Variants in TRIM38 observed in about 807,000 individuals in gnomAD.
The protein encoded by TRIM38 is tripartite motif containing 38, also known as E3 ubiquitin-protein ligase TRIM38.
TRIM38 carries 35 observed loss-of-function variants against 35.8 expected under a neutral mutation model. That is an observed-to-expected ratio of 0.98 (90% CI 0.75 to 1.30). The LOEUF (loss-of-function observed/expected upper bound fraction) is 1.30, where lower values mean the gene tolerates loss of function less well. Among genes scored for constraint, TRIM38 ranks in the 50% most tolerant of loss-of-function variants. The probability of loss-of-function intolerance (pLI) is 0.00; values close to 1 mark genes in which losing one functional copy is unlikely to be tolerated. For synonymous variants in TRIM38, 198 were observed against 204.7 expected, an observed-to-expected ratio of 0.97 and a Z score of 0.28; for missense variants, 545 against 556.9, an observed-to-expected ratio of 0.98 and a Z score of 0.21.
intron 2 of TRIM38, among the ~76,000 whole-genome samples, chr6:25,964,817 T>TA (rs1759967690): frequency 6.7e-6 from 1 of 149,322 alleles, no homozygotes; most frequent in East Asian, 1.9e-4. Context: ...CAATTATTCT[T>TA]TTTTTTTTTT....
intron 5 of TRIM38, among the ~76,000 whole-genome samples, chr6:25,972,452 T>C (rs967107953): frequency 1.3e-5 from 2 of 152,224 alleles, no homozygotes; most frequent in African/African-American, 4.8e-5. Context: ...CCTGATTTGC[T>C]TGTAGAACCC....
intron 7 of TRIM38, among the ~76,000 whole-genome samples, chr6:25,977,104 T>A (rs1270272550): frequency 2.6e-5 from 4 of 152,224 alleles, no homozygotes; most frequent in African/African-American, 9.6e-5. Context: ...CATTTTGCAT[T>A]TTCATCCTGT....
At chr6:25,968,541 T>C (rs1480767984) in intron 3 of TRIM38, among the ~76,000 whole-genome samples, 1 of 152,242 alleles carries the variant, frequency 6.6e-6, no homozygotes, top group Non-Finnish European at 1.5e-5. Flanking sequence ...AAGGACAATG[T>C]CATCTTTTGC....
At chr6:25,970,626 C>T (rs189686884) in intron 4 of TRIM38, among the ~76,000 whole-genome samples, 2 of 152,220 alleles carry the variant, frequency 1.3e-5, no homozygotes, top group Admixed American at 1.3e-4. Context: ...ATATGAAAAC[C>T]CGTCTATACA....
chr6:25,973,684 A>G (rs549894979), intron 7 of TRIM38: 2 of 985,474 alleles, frequency 2.0e-6, no homozygotes, highest in East Asian at 2.3e-4. Context: ...AGATCTGATC[A>G]TAGTGTTTAT....
At chr6:25,963,356 G>A (rs994417492) in intron 2 of TRIM38, 74 bp downstream of exon 2, 1 of 146,262 alleles carries the variant, frequency 6.8e-6, no homozygotes, top group Non-Finnish European at 1.5e-5. Context: ...CCCTGTCCTA[G>A]AGGAGCTCCC....
intron 3 of TRIM38, among the ~76,000 whole-genome samples, chr6:25,967,730 T>C (rs901776822): frequency 6.6e-6 from 1 of 151,758 alleles, no homozygotes; most frequent in African/African-American, 2.4e-5. Context: ...AGAGACATGG[T>C]CTGCCTTTCT....
chr6:25,972,939 A>G (rs1760282656), intron 5 of TRIM38, 115 bp from the exon 6 acceptor site: 4 of 1,347,966 alleles, frequency 3.0e-6, no homozygotes, highest in African/African-American at 1.5e-5. Flanking sequence ...TAAGACTAAG[A>G]CTAGGGTAAC....
intron 7 of TRIM38, among the ~76,000 whole-genome samples, chr6:25,974,119 C>G (rs896782345): frequency 1.2e-4 from 18 of 152,276 alleles, no homozygotes; most frequent in African/African-American, 3.6e-4. Flanking sequence ...CTTAGTTGGG[C>G]CTGCTGCTTA....
At position 25,984,903 on chromosome 6, in the gene TRIM38, T is replaced by C. The variant is rs750854422; in HGVS notation, c.*1216T>C. 2.0e-5 allele frequency: 3 copies of C among 152,280 alleles called. No homozygotes were observed. Among genetic ancestry groups the C allele is most frequent in the Non-Finnish European group, 4.4e-5 (3 of 68,042 alleles). 9.4% of individuals were successfully genotyped at this position (152,280 alleles called of 1,614,324 possible). ...AGTCCTACAACATCACCTCTGAGAA[T>C]AGGAGAAATGAAGCAACAGTTGTGT... On this transcript the variant is annotated 3_prime_UTR_variant, in exon 8 of 8. Coordinates refer to ENST00000357085, the MANE Select transcript of TRIM38 (RefSeq NM_006355.5).
chr6:25,977,524 G>A (rs1032873305), intron 7 of TRIM38, among the ~76,000 whole-genome samples: 1 of 152,160 alleles, frequency 6.6e-6, no homozygotes, highest in Non-Finnish European at 1.5e-5. Context: ...ACAAAAATTA[G>A]CCAGGTGTGG....
rs945189160 is a variant in TRIM38 at position 25,990,985 on chromosome 6, G to T, written c.*7298G>T. 30 of 152,028 alleles carry T rather than the reference G, an allele frequency of 2.0e-4. No homozygotes were observed. The highest frequency in any genetic ancestry group is 2.0e-3 in the Admixed American group (30 of 15,270). 9.4% of individuals were successfully genotyped at this position (152,028 alleles called of 1,614,324 possible). A position where few individuals can be genotyped will look rare whatever the true frequency, so the allele number is the denominator to read the frequency against. On this transcript the variant is annotated 3_prime_UTR_variant, in exon 8 of 8. Transcript: ENST00000357085. ...GATAGAGAATAGAAGAGTCCTTCAG[G>T]CCCCTCCAAACTGTCATATTCCGGG...
rs925904905 is a variant in TRIM38, at chr6:25,987,220, A to G, written c.*3533A>G. On this transcript the variant is annotated 3_prime_UTR_variant, in exon 8 of 8. Transcript: ENST00000357085. ...AGGTACTCCCCGCCCCCCGCCCGCC[A>G]CACACCATCCCCAAAAGGAAATTTC... The G allele has an allele frequency of 2.3e-5, 2 of 85,264 alleles. No individual in the cohort carries two copies. The highest frequency in any genetic ancestry group is 4.6e-5 in the Non-Finnish European group (2 of 43,776). 5.3% of individuals were successfully genotyped at this position (85,264 alleles called of 1,614,324 possible).
chr6:25,966,315 C>T lies in TRIM38; in HGVS notation c.-188-20C>T, dbSNP rs1427780470. ...TCAAACGTGGCCCAAACAACCTCAG[C>T]CTCAACTTCTTCCTTTTAGGTCCTC... On this transcript the variant is annotated intron_variant, in intron 2 of 7. Transcript: ENST00000357085. The T allele has an allele frequency of 7.7e-6, 4 of 517,486 alleles. No individual in the cohort carries two copies. Among genetic ancestry groups the T allele is most frequent in the Non-Finnish European group, 1.3e-5 (4 of 310,842 alleles). The allele number at this position is 517,486 out of a possible 1,614,324, so 32.1% of individuals were successfully genotyped here.
intron 7 of TRIM38, chr6:25,975,802 A>T (rs1180550353): frequency 5.9e-6 from 4 of 679,646 alleles, no homozygotes; most frequent in Non-Finnish European, 7.3e-6. Context: ...ATGTAACCAT[A>T]TCCCTACTGA....
intron 3 of TRIM38, among the ~76,000 whole-genome samples, chr6:25,968,730 C>T (rs1670808361): frequency 6.6e-6 from 1 of 152,188 alleles, no homozygotes; most frequent in African/African-American, 2.4e-5. Context: ...AAGCTAAAAG[C>T]TTGACATGAA....
chr6:25,983,234 T>G lies in TRIM38; in HGVS notation c.945T>G (p.Thr315=). 5.0e-6 allele frequency: 8 copies of G among 1,614,132 alleles called. No homozygotes were observed. The highest frequency in any genetic ancestry group is 6.8e-6 in the Non-Finnish European group (8 of 1,179,980). ...LILSEDRRQV[T]RGYTQENQDT... is the part of the protein sequence containing the mutation. ...TCTCTGAGGATCGGAGACAAGTGACTCGTGGATACACCCAGGAGAATCAGG... is the reference window on the plus strand; with the variant it reads ...TCTCTGAGGATCGGAGACAAGTGACGCGTGGATACACCCAGGAGAATCAGG... Residue 315 remains threonine (T), a synonymous_variant, in exon 8 of 8, where the codon ACT becomes ACG. Transcript: ENST00000357085.
intron 7 of TRIM38, chr6:25,975,108 C>T (rs1052405899): frequency 1.0e-5 from 10 of 960,002 alleles, no homozygotes; most frequent in Non-Finnish European, 1.2e-5. Context: ...TCTCGGCTCA[C>T]TGCAAGCTCC....
At chr6:25,979,031 T>C (rs571538019) in intron 7 of TRIM38, among the ~76,000 whole-genome samples, 1 of 152,246 alleles carries the variant, frequency 6.6e-6, no homozygotes, top group African/African-American at 2.4e-5. Context: ...TCTAGATGAA[T>C]ATATTAAAGA....
Sources: allele counts gnomAD v4.1 joint callset (sites outside exome capture counted in the v4.1 genomes callset), GRCh38; gene constraint gnomAD v4.1.1; transcripts MANE v1.5; gene names NCBI Gene and HGNC (gene_info 2026-07-23, HGNC 2026-07-21).